Variants in ERI3 observed in about 807,000 individuals in gnomAD.
ERI3 encodes ERI1 exoribonuclease family member 3, also known as ERI1 exoribonuclease 3.
In ERI3, 18 loss-of-function variants were observed where a neutral mutation model predicts 44.4. The ratio of observed to expected loss-of-function variants is 0.41; its 90% confidence interval spans 0.28 to 0.60. ERI3 has a LOEUF of 0.60. Ranked by LOEUF, ERI3 falls within the 20% of genes least tolerant of loss-of-function variation. The pLI, the probability that ERI3 is intolerant of heterozygous loss-of-function variation, is 0.36. For missense variants in ERI3, 294 were observed against 435.5 expected, an observed-to-expected ratio of 0.68 and a Z score of 2.89; for synonymous variants, 183 against 164.8, an observed-to-expected ratio of 1.11 and a Z score of -0.84.
intron 3 of ERI3, among the ~76,000 whole-genome samples, chr1:44,330,471 C>T (rs1294838518): frequency 3.3e-5 from 5 of 152,334 alleles, no homozygotes; most frequent in African/African-American, 1.2e-4. Flanking sequence ...CAAATAAAAG[C>T]TGCCCTGATG....
intron 4 of ERI3, among the ~76,000 whole-genome samples, 170 bp downstream of exon 4, chr1:44,319,458 G>A (rs192078095): frequency 1.3e-5 from 2 of 152,266 alleles, no homozygotes; most frequent in Admixed American, 1.3e-4. Context: ...AGTAACAACA[G>A]TGACCTGAGT....
chr1:44,348,795 A>G (rs2154332244), intron 2 of ERI3, among the ~76,000 whole-genome samples: 1 of 152,348 alleles, frequency 6.6e-6, no homozygotes, highest in South Asian at 2.1e-4. Flanking sequence ...GCAATAAACT[A>G]ACACACTTTC....
chr1:44,235,542 G>T lies in ERI3; in HGVS notation c.931+12397C>A, dbSNP rs147908738. ...ACACTCAAGAAATACATACTGAAAA[G>T]AAGGAAGGAAGGACTAGAGGAAAAG... On this transcript the variant is annotated intron_variant, in intron 8 of 8. Coordinates refer to ENST00000372257, the MANE Select transcript of ERI3 (RefSeq NM_024066.3). The surrounding 1 kb of genome is among the most constrained non-coding windows in gnomAD (Gnocchi z 4.6). Among the ~76,000 whole-genome samples the T allele has an allele frequency of 1.2e-3, 178 of 152,146 alleles. 2 individuals are homozygous for T. Among genetic ancestry groups the T allele is most frequent in the African/African-American group, 4.1e-3 (168 of 41,438 alleles).
chr1:44,313,854 A>C (rs958899616), intron 4 of ERI3, among the ~76,000 whole-genome samples: 1 of 152,164 alleles, frequency 6.6e-6, no homozygotes, highest in Non-Finnish European at 1.5e-5. Flanking sequence ...ACCAATGGGG[A>C]AACTAAGACA....
chr1:44,285,778 G>T (rs183688070), intron 6 of ERI3, among the ~76,000 whole-genome samples: 3 of 152,192 alleles, frequency 2.0e-5, no homozygotes, highest in African/African-American at 7.2e-5. Flanking sequence ...AAAGCCTTAA[G>T]TTGGAGTATG....
intron 5 of ERI3, among the ~76,000 whole-genome samples, chr1:44,309,432 T>C (rs545888501): frequency 7.3e-5 from 11 of 151,314 alleles, no homozygotes; most frequent in Non-Finnish European, 1.3e-4. Context: ...GAGGTGGAGG[T>C]TGCAGTGAGC....
intron 7 of ERI3, among the ~76,000 whole-genome samples, chr1:44,258,526 T>C (rs898440537): frequency 6.6e-6 from 1 of 152,192 alleles, no homozygotes; most frequent in African/African-American, 2.4e-5. Context: ...GGAACTACCA[T>C]GTGCCAAGCC....
intron 4 of ERI3, among the ~76,000 whole-genome samples, chr1:44,314,153 T>TGGG (rs5773825): frequency 3.0e-4 from 44 of 148,236 alleles, no homozygotes; most frequent in African/African-American, 9.1e-4. Context: ...TAAAGTGTGT[T>TGGG]GGGGGGGGGG....
intron 1 of ERI3, chr1:44,354,237 A>T: frequency 1.0e-6 from 1 of 985,452 alleles, no homozygotes; most frequent in South Asian, 4.7e-5. Flanking sequence ...AATGTCTGAC[A>T]AGAGTAAATG....
At chr1:44,288,792 TAGG>T (rs1645444555) in intron 6 of ERI3, among the ~76,000 whole-genome samples, 1 of 152,054 alleles carries the variant, frequency 6.6e-6, no homozygotes, top group African/African-American at 2.4e-5. Context: ...TCAAGGTTCT[TAGG>T]AGCCTAAGGT....
At chr1:44,297,330 A>G (rs1230214906) in intron 6 of ERI3, among the ~76,000 whole-genome samples, 1 of 151,978 alleles carries the variant, frequency 6.6e-6, no homozygotes, top group South Asian at 2.1e-4. Context: ...ATGGGCCACT[A>G]TGCCAGGTGA....
intron 5 of ERI3, among the ~76,000 whole-genome samples, chr1:44,309,977 C>T (rs1364210125): frequency 2.0e-5 from 3 of 152,192 alleles, no homozygotes; most frequent in African/African-American, 7.2e-5. Flanking sequence ...CTGGCTGTGT[C>T]ACTGATGGGG....
intron 8 of ERI3, among the ~76,000 whole-genome samples, chr1:44,226,207 G>C (rs1272489277): frequency 6.6e-6 from 1 of 151,942 alleles, no homozygotes; most frequent in African/African-American, 2.4e-5. Flanking sequence ...AGATGGGTGG[G>C]GGGATGAAGA....
intron 6 of ERI3, among the ~76,000 whole-genome samples, chr1:44,289,134 C>T (rs1335676041): frequency 6.6e-6 from 1 of 152,198 alleles, no homozygotes; most frequent in Non-Finnish European, 1.5e-5. Flanking sequence ...GCCGGAATGA[C>T]ATCACTGATG....
At chr1:44,269,112 G>A (rs1383325103) in intron 7 of ERI3, among the ~76,000 whole-genome samples, 1 of 152,190 alleles carries the variant, frequency 6.6e-6, no homozygotes, top group African/African-American at 2.4e-5. Context: ...GGTAAAAGTG[G>A]AACTTCTGCT....
At chr1:44,353,157 C>T (rs1646931762) in intron 1 of ERI3, 7 of 985,278 alleles carry the variant, frequency 7.1e-6, no homozygotes, top group Non-Finnish European at 8.4e-6. Context: ...CTCCTAGAAA[C>T]ACTAAACATT....
chr1:44,274,297 C>T (rs530190826), intron 7 of ERI3, among the ~76,000 whole-genome samples: 2 of 152,332 alleles, frequency 1.3e-5, no homozygotes, highest in South Asian at 2.1e-4. Context: ...GAGCGGCGCG[C>T]TTTATGGGCT....
At position 44,241,774 on chromosome 1, in the gene ERI3, T is replaced by C. The variant is rs1230605666; in HGVS notation, c.931+6165A>G. 1 of 233,790 alleles carries C rather than the reference T, an allele frequency of 4.3e-6. No homozygotes were observed. The highest frequency in any genetic ancestry group is 2.3e-5 in the African/African-American group (1 of 42,730). 14.5% of individuals were successfully genotyped at this position (233,790 alleles called of 1,614,324 possible). On this transcript the variant is annotated intron_variant, in intron 8 of 8. Transcript: ENST00000372257. This position sits in a 1 kb window ranked among gnomAD's most constrained non-coding sequence, Gnocchi z 5.6. ...GGCTAGGAAGGTGGGGAAACAAAGA[T>C]TGTACTTCCTAAAGAATCAAACACA...
intron 1 of ERI3, 37 bp downstream of exon 1, chr1:44,354,854 AG>A: frequency 1.2e-5 from 16 of 1,314,376 alleles, no homozygotes; most frequent in Non-Finnish European, 1.5e-5. Context: ...TGCATTAACC[AG>A]GGCCCAATCT....
Sources: allele counts gnomAD v4.1 joint callset (sites outside exome capture counted in the v4.1 genomes callset), GRCh38; gene constraint gnomAD v4.1.1; non-coding constraint Gnocchi (gnomAD v3.1); transcripts MANE v1.5; gene names NCBI Gene and HGNC (gene_info 2026-07-23, HGNC 2026-07-21).